TMCO4: variants seen among roughly 807,000 people sequenced by gnomAD.
TMCO4 encodes the protein transmembrane and coiled-coil domain-containing protein 4.
TMCO4 carries 58 observed loss-of-function variants against 64.7 expected under a neutral mutation model. That is an observed-to-expected ratio of 0.90 (90% CI 0.73 to 1.12). The LOEUF is 1.12. Ranked by LOEUF, TMCO4 falls within the 50% of genes most tolerant of loss-of-function variation. The probability of loss-of-function intolerance (pLI) is 0.00; values close to 1 mark genes in which losing one functional copy is unlikely to be tolerated. For synonymous variants in TMCO4, 325 were observed against 346.1 expected (o/e 0.94, Z 0.68); for missense variants, 780 against 825.9 (o/e 0.94, Z 0.68).
chr1:19,721,092 G>C (rs1346650040), intron 13 of TMCO4, among the ~76,000 whole-genome samples: 1 of 152,140 alleles, frequency 6.6e-6, no homozygotes, highest in African/African-American at 2.4e-5. Context: ...GCTGCAGAGG[G>C]TCTGGATTCT....
chr1:19,710,519 C>A (rs2095326082), intron 13 of TMCO4, among the ~76,000 whole-genome samples: 1 of 152,158 alleles, frequency 6.6e-6, no homozygotes, highest in Admixed American at 6.5e-5. Flanking sequence ...TTCCTTTACT[C>A]TTCACAACAA....
At chr1:19,744,781 T>C (rs2041686807) in intron 10 of TMCO4, among the ~76,000 whole-genome samples, 1 of 152,162 alleles carries the variant, frequency 6.6e-6, no homozygotes, top group Non-Finnish European at 1.5e-5. Flanking sequence ...CTTCAGAACC[T>C]TCCCCAGAAA....
At chr1:19,690,845 C>T (rs748988482) in intron 15 of TMCO4, among the ~76,000 whole-genome samples, 26 of 151,274 alleles carry the variant, frequency 1.7e-4, no homozygotes, top group Non-Finnish European at 2.9e-4. Flanking sequence ...AGCATGTGAG[C>T]CAAGTCTATC....
At chr1:19,757,259 C>G (rs1190846248) in intron 6 of TMCO4, among the ~76,000 whole-genome samples, 1 of 152,006 alleles carries the variant, frequency 6.6e-6, no homozygotes, top group Non-Finnish European at 1.5e-5. Context: ...GTTCTGAAGG[C>G]CGGATATTCT....
At chr1:19,719,529 T>G (rs150893484) in intron 13 of TMCO4, among the ~76,000 whole-genome samples, 218 of 152,218 alleles carry the variant, frequency 1.4e-3, no homozygotes, top group African/African-American at 4.9e-3. Flanking sequence ...GTGCTTTATT[T>G]ATTGATTGAT....
intron 10 of TMCO4, among the ~76,000 whole-genome samples, chr1:19,744,591 T>C (rs544601498): frequency 6.6e-6 from 1 of 152,112 alleles, no homozygotes; most frequent in Non-Finnish European, 1.5e-5. Context: ...CACATGCCCC[T>C]GTGTGGTCTG....
chr1:19,745,651 C>T lies in TMCO4; in HGVS notation c.758G>A (p.Gly253Glu), dbSNP rs1482062628. Reference protein sequence around the residue: ...LFGAAGAGLTGYKMKKRVGAI... With the variant: ...LFGAAGAGLTEYKMKKRVGAI... ...TCCCACTCGCTTCTTCATCTTGTATCCTAAAGACCCAGATCCGAGAAAGAG... is the reference window on the plus strand; with the variant it reads ...TCCCACTCGCTTCTTCATCTTGTATTCTAAAGACCCAGATCCGAGAAAGAG... Residue 253 changes from glycine (G) to glutamate (E), a missense_variant and splice_region_variant, in exon 10 of 16, where the codon GGA becomes GAA. By Grantham distance (98) the Gly-to-Glu change is moderately conservative. Coordinates refer to ENST00000294543, the MANE Select transcript of TMCO4 (RefSeq NM_181719.7). The T allele has an allele frequency of 1.9e-6, 3 of 1,606,964 alleles. No homozygotes were observed. The highest frequency in any genetic ancestry group is 3.4e-5 in the Admixed American group (2 of 59,514).
At chr1:19,749,943 T>C (rs1210380041) in intron 7 of TMCO4, 1 of 152,190 alleles carries the variant, frequency 6.6e-6, no homozygotes, top group African/African-American at 2.4e-5. Context: ...CTTAATACCT[T>C]TGTGACTATG....
intron 2 of TMCO4, among the ~76,000 whole-genome samples, chr1:19,793,067 G>T (rs2044131202): frequency 6.6e-6 from 1 of 152,064 alleles, no homozygotes; most frequent in African/African-American, 2.4e-5. Flanking sequence ...ACCACGCCTG[G>T]CCTCAGTGTC....
chr1:19,745,443 C>A, intron 10 of TMCO4, 89 bp downstream of exon 10: 1 of 1,585,542 alleles, frequency 6.3e-7, no homozygotes. Context: ...CCTATACCTG[C>A]TCCCTAGTGC....
chr1:19,781,081 TCCACAGTGAG>T (rs1278924937), intron 3 of TMCO4, among the ~76,000 whole-genome samples: 2 of 140,226 alleles, frequency 1.4e-5, no homozygotes, highest in Non-Finnish European at 3.0e-5. Flanking sequence ...TAAAAGAGAT[TCCACAGTGAG>T]CCGAGATCGC....
intron 6 of TMCO4, among the ~76,000 whole-genome samples, chr1:19,768,721 C>T (rs1464755712): frequency 6.6e-6 from 1 of 152,162 alleles, no homozygotes; most frequent in African/African-American, 2.4e-5. Flanking sequence ...ATACACTAGG[C>T]CCAAACACAC....
intron 13 of TMCO4, among the ~76,000 whole-genome samples, chr1:19,711,358 G>A (rs937423161): frequency 2.0e-5 from 3 of 152,146 alleles, no homozygotes; most frequent in Non-Finnish European, 2.9e-5. Flanking sequence ...GATGCAAGAC[G>A]CCTGGCTTTT....
rs572197546 is a variant in TMCO4 at position 19,734,519 on chromosome 1, G to A, written c.1264+2853C>T. On this transcript the variant is annotated intron_variant, in intron 13 of 15. Coordinates refer to ENST00000294543, the MANE Select transcript of TMCO4 (RefSeq NM_181719.7). The surrounding 1 kb of genome is among the most constrained non-coding windows in gnomAD (Gnocchi z 4.4). ...TTAAAGACCTCAATCTTTCCCCAGCGTTGAACCAGTTGTTTCCAACTCCTT... is the reference window on the plus strand; with the variant it reads ...TTAAAGACCTCAATCTTTCCCCAGCATTGAACCAGTTGTTTCCAACTCCTT... Among the ~76,000 whole-genome samples, 17 of 152,222 alleles carry A rather than the reference G, an allele frequency of 1.1e-4. No individual in the cohort carries two copies. The highest frequency in any genetic ancestry group is 2.1e-4 in the South Asian group (1 of 4,814).
intron 15 of TMCO4, among the ~76,000 whole-genome samples, chr1:19,684,906 C>T (rs1458152412): frequency 2.6e-5 from 4 of 152,136 alleles, no homozygotes; most frequent in Admixed American, 2.6e-4. Flanking sequence ...CATGAGTCAG[C>T]CCACTAAGGA....
chr1:19,770,565 A>C lies in TMCO4; in HGVS notation c.359T>G (p.Leu120Arg). ...KDDPTVITQD[L>R]LSFSLKDGHY... is the part of the protein sequence containing the mutation. ...ACCATCCTTGAGTGAGAAGCTCAGA[A>C]GGTCCTGAGGGAGAAGACAACAGGC... The change falls in exon 6 of 16, where the codon CTT (leucine) becomes CGT (arginine). Residue 120 changes from leucine (L) to arginine (R), a missense_variant. Transcript: ENST00000294543. 1 of 1,613,444 alleles carries C rather than the reference A, an allele frequency of 6.2e-7. No individual in the cohort carries two copies. The highest frequency in any genetic ancestry group is 1.1e-5 in the South Asian group (1 of 90,982).
At chr1:19,727,856 A>G (rs2095415161) in intron 13 of TMCO4, among the ~76,000 whole-genome samples, 2 of 152,248 alleles carry the variant, frequency 1.3e-5, no homozygotes, top group African/African-American at 4.8e-5. Context: ...CATATATACC[A>G]TGGAATATGA....
chr1:19,699,617 G>A (rs1272974651), intron 14 of TMCO4, among the ~76,000 whole-genome samples: 1 of 151,846 alleles, frequency 6.6e-6, no homozygotes. Context: ...ACAGTGGTGC[G>A]ATCTTAGCTC....
At chr1:19,778,446 G>C (rs559484706) in intron 4 of TMCO4, among the ~76,000 whole-genome samples, 1 of 152,058 alleles carries the variant, frequency 6.6e-6, no homozygotes, top group South Asian at 2.1e-4. Flanking sequence ...GCTAATTTTT[G>C]TATTTTTAGT....
Sources: gnomAD v4.1 joint callset for allele counts (sites outside exome capture counted in the v4.1 genomes callset) on GRCh38, gnomAD v4.1.1 for gene constraint, Gnocchi (gnomAD v3.1) non-coding constraint, MANE v1.5 for transcripts, NCBI Gene and HGNC (gene_info 2026-07-23, HGNC 2026-07-21) for gene names.